The following LRFN5 variants were observed in gnomAD, a reference collection of about 807,000 sequenced individuals.
The protein encoded by LRFN5 is leucine-rich repeat and fibronectin type-III domain-containing protein 5.
In LRFN5, 24 loss-of-function variants were observed where a neutral mutation model predicts 45.6. The observed-to-expected ratio is 0.53, with a 90% CI of 0.38 to 0.74. The LOEUF (loss-of-function observed/expected upper bound fraction) is 0.74, where lower values mean the gene tolerates loss of function less well. Ranked by LOEUF, LRFN5 falls within the 30% of genes least tolerant of loss-of-function variation. The pLI is 0.00. For synonymous variants in LRFN5, 340 were observed against 313.8 expected (o/e 1.08, Z -0.88); for missense variants, 776 against 861.5 (o/e 0.90, Z 1.24).
Position 41,864,188 on chromosome 14 carries a change from G to T in LRFN5, c.-20-22418G>T, listed in dbSNP as rs564243146. The stretch of plus-strand genomic sequence containing the variant: ...TTTATAATCCTTTGGGTATAACCCA[G>T]TAATGGAATTGCTGGGTCACATGGT... On this transcript the variant is annotated intron_variant, in intron 2 of 5. Coordinates refer to ENST00000298119, the MANE Select transcript of LRFN5 (RefSeq NM_152447.5). 1.5e-4 allele frequency among the ~76,000 whole-genome samples: 23 copies of T among 152,298 alleles called. No individual in the cohort carries two copies. In the South Asian group the frequency reaches 4.1e-3, roughly 27 times the overall value.
intron 1 of LRFN5, among the ~76,000 whole-genome samples, chr14:41,671,109 A>G (rs1359980990): frequency 1.3e-5 from 2 of 151,938 alleles, no homozygotes; most frequent in African/African-American, 4.8e-5. Flanking sequence ...AAGGAAATTT[A>G]TTTTCTAATA....
In LRFN5 at chr14:41,717,101, T is replaced by G. The variant is rs1201884840; in HGVS notation, c.-196-49753T>G. Among the ~76,000 whole-genome samples the G allele has an allele frequency of 2.0e-5, 3 of 152,216 alleles. No homozygotes were observed. The East Asian group carries it at 5.8e-4, about 29-fold the overall frequency. On this transcript the variant is annotated intron_variant, in intron 1 of 5. Coordinates refer to ENST00000298119, the MANE Select transcript of LRFN5 (RefSeq NM_152447.5). Reference sequence around the variant, plus strand: ...GCAATGGTCATTTTAAAATTTCTTTTAACGAATCTAAGCTTATAGGTTAGC... The same window carrying G: ...GCAATGGTCATTTTAAAATTTCTTTGAACGAATCTAAGCTTATAGGTTAGC...
At chr14:41,783,209 T>G (rs7155703) in intron 2 of LRFN5, among the ~76,000 whole-genome samples, 81,603 of 151,750 alleles carry the variant, frequency 0.54, 22,559 homozygotes, top group East Asian at 0.91. Context: ...TGAACTAAAA[T>G]ATAAGAATGT....
rs60855395 is a variant in LRFN5, at chr14:41,734,316, TTATATATATATATATA to T, written c.-196-32524_-196-32509del. 2.3e-3 allele frequency among the ~76,000 whole-genome samples: 89 copies of T among 38,798 alleles called. 11 individuals are homozygous for T. The highest frequency in any genetic ancestry group is 0.031 in the Middle Eastern group (1 of 32). 25.5% of individuals were successfully genotyped at this position (38,798 alleles called of 152,430 possible). A position where few individuals can be genotyped will look rare whatever the true frequency, so the allele number is the denominator to read the frequency against. On this transcript the variant is annotated intron_variant, in intron 1 of 5. Transcript: ENST00000298119. ...GTGAGCCACCTTTCCTGGACTGGTT[TTATATATATATATATA>T]TATATATATATATTTAAATTTGCTG...
At chr14:41,705,520 T>C (rs1883027795) in intron 1 of LRFN5, among the ~76,000 whole-genome samples, 1 of 152,204 alleles carries the variant, frequency 6.6e-6, no homozygotes, top group East Asian at 1.9e-4. Context: ...CACATATACA[T>C]AAGCATGCAC....
intron 2 of LRFN5, among the ~76,000 whole-genome samples, chr14:41,829,862 G>A (rs778759932): frequency 1.4e-5 from 2 of 146,716 alleles, no homozygotes; most frequent in African/African-American, 2.5e-5. Flanking sequence ...TATTTTCTTT[G>A]TCTCTTTTTA....
At chr14:41,656,621 T>C (rs1880392646) in intron 1 of LRFN5, among the ~76,000 whole-genome samples, 1 of 151,862 alleles carries the variant, frequency 6.6e-6, no homozygotes, top group East Asian at 1.9e-4. Context: ...GAGTGCTTCA[T>C]ACCTTAGTGT....
intron 1 of LRFN5, among the ~76,000 whole-genome samples, chr14:41,740,050 TA>T (rs1884624775): frequency 6.6e-6 from 1 of 151,836 alleles, no homozygotes; most frequent in African/African-American, 2.4e-5. Flanking sequence ...GAATCAACAA[TA>T]AAAAACTTTC....
chr14:41,843,230 A>G (rs1320028122), intron 2 of LRFN5, among the ~76,000 whole-genome samples: 2 of 151,510 alleles, frequency 1.3e-5, no homozygotes, highest in Admixed American at 1.3e-4. Context: ...GCTAGCTGGT[A>G]CTGTATGCAT....
chr14:41,724,236 TC>T (rs1485870453), intron 1 of LRFN5, among the ~76,000 whole-genome samples: 1 of 152,178 alleles, frequency 6.6e-6, no homozygotes, highest in Admixed American at 6.5e-5. Flanking sequence ...GTATGCACTA[TC>T]TTGCTGTTTT....
intron 2 of LRFN5, among the ~76,000 whole-genome samples, chr14:41,885,177 T>G (rs1890522507): frequency 6.9e-6 from 1 of 145,358 alleles, no homozygotes; most frequent in Non-Finnish European, 1.5e-5. Flanking sequence ...AAAAAAAAAT[T>G]ACCCTAGGGT....
At chr14:41,738,145 G>T (rs61992376) in intron 1 of LRFN5, among the ~76,000 whole-genome samples, 25,217 of 152,104 alleles carry the variant, frequency 0.17, 2,185 homozygotes, top group Admixed American at 0.19. Flanking sequence ...TAGCAAAACA[G>T]ATATATGGAC....
chr14:41,726,973 C>G (rs1883962356), intron 1 of LRFN5, among the ~76,000 whole-genome samples: 1 of 151,482 alleles, frequency 6.6e-6, no homozygotes, highest in South Asian at 2.1e-4. Context: ...TGTTTCTTAC[C>G]CTTAATATGA....
chr14:41,614,437 C>T (rs1235182769), intron 1 of LRFN5, among the ~76,000 whole-genome samples: 2 of 152,068 alleles, frequency 1.3e-5, no homozygotes, highest in Admixed American at 6.6e-5. Flanking sequence ...GGCACTTAAA[C>T]AATATATTAC....
intron 2 of LRFN5, among the ~76,000 whole-genome samples, chr14:41,775,721 A>T (rs1230087508): frequency 6.6e-6 from 1 of 152,216 alleles, no homozygotes; most frequent in Non-Finnish European, 1.5e-5. Flanking sequence ...AAAGTGACAG[A>T]ATTATAGGGT....
rs1889527013 is a variant in LRFN5, at chr14:41,857,886, A to AGATAGTTCCATTGGATGT, written c.-20-28717_-20-28700dup. ...TGAAAATAAGAGGAGAAGAGAAAAG[A>AGATAGTTCCATTGGATGT]GATAGTTCCATTGGATGTGAAATAC... On this transcript the variant is annotated intron_variant, in intron 2 of 5. Coordinates refer to ENST00000298119, the MANE Select transcript of LRFN5 (RefSeq NM_152447.5). Among the ~76,000 whole-genome samples, 4 of 152,302 alleles carry AGATAGTTCCATTGGATGT rather than the reference A, an allele frequency of 2.6e-5. No homozygotes were observed. In the South Asian group the frequency reaches 8.3e-4, roughly 32 times the overall value.
At chr14:41,903,566 A>G (rs1460995796) in intron 5 of LRFN5, among the ~76,000 whole-genome samples, 2 of 151,606 alleles carry the variant, frequency 1.3e-5, no homozygotes, top group Non-Finnish European at 3.0e-5. Flanking sequence ...TTTTTATAAA[A>G]TGGCTTTTAC....
At chr14:41,756,366 A>G (rs1004814438) in intron 1 of LRFN5, among the ~76,000 whole-genome samples, 14 of 152,236 alleles carry the variant, frequency 9.2e-5, no homozygotes, top group Non-Finnish European at 2.1e-4. Context: ...AGGTTTTCCA[A>G]CTTGGTTCCA....
At chr14:41,886,014 C>A (rs535161019) in intron 2 of LRFN5, among the ~76,000 whole-genome samples, 194 of 75,526 alleles carry the variant, frequency 2.6e-3, no homozygotes, top group Non-Finnish European at 3.9e-3. Flanking sequence ...AAGCAAGGCT[C>A]GTCTCAAAAA....
Sources: gnomAD v4.1 joint callset for allele counts (sites outside exome capture counted in the v4.1 genomes callset) on GRCh38, gnomAD v4.1.1 for gene constraint, MANE v1.5 for transcripts, NCBI Gene and HGNC (gene_info 2026-07-23, HGNC 2026-07-21) for gene names.